Variants in MRPS27 observed in about 807,000 individuals in gnomAD.
The protein encoded by MRPS27 is mitochondrial ribosomal protein S27.
A neutral mutation model predicts 48.9 loss-of-function variants in MRPS27; 43 were observed. The observed-to-expected ratio is 0.88, with a 90% confidence interval of 0.69 to 1.13. MRPS27 has a LOEUF of 1.13. MRPS27 is among the 50% of genes most tolerant of loss of function. The probability of loss-of-function intolerance (pLI) is 0.00; values close to 1 mark genes in which losing one functional copy is unlikely to be tolerated. For missense variants in MRPS27, 467 were observed against 476.3 expected, an observed-to-expected ratio of 0.98 and a Z score of 0.18; for synonymous variants, 188 against 171.9, an observed-to-expected ratio of 1.09 and a Z score of -0.73.
At chr5:72,313,831 A>G (rs927835458) in intron 2 of MRPS27, among the ~76,000 whole-genome samples, 1 of 152,244 alleles carries the variant, frequency 6.6e-6, no homozygotes, top group Non-Finnish European at 1.5e-5. Context: ...ATGGACAAAA[A>G]ACAGAAGAAA....
chr5:72,229,423 C>T (rs1273628571), intron 7 of MRPS27: 1 of 152,102 alleles, frequency 6.6e-6, no homozygotes, highest in South Asian at 2.1e-4. Flanking sequence ...ACAACGCCCC[C>T]CCCCAAGCAC....
intron 4 of MRPS27, among the ~76,000 whole-genome samples, chr5:72,271,138 T>G (rs757546230): frequency 6.6e-6 from 1 of 152,134 alleles, no homozygotes; most frequent in East Asian, 1.9e-4. Flanking sequence ...TCCTAGCTAG[T>G]GCAACAAGGC....
At chr5:72,305,486 T>C (rs1750237066) in intron 2 of MRPS27, among the ~76,000 whole-genome samples, 1 of 152,140 alleles carries the variant, frequency 6.6e-6, no homozygotes, top group Non-Finnish European at 1.5e-5. Flanking sequence ...GTCAAGGAAA[T>C]ACTCTTTGGA....
At chr5:72,228,131 A>C in intron 8 of MRPS27, 135 bp downstream of exon 8, 1 of 768,260 alleles carries the variant, frequency 1.3e-6, no homozygotes, top group Non-Finnish European at 2.1e-6. Flanking sequence ...ATCAAGGTCT[A>C]TTTTTATGTC....
intron 4 of MRPS27, among the ~76,000 whole-genome samples, chr5:72,274,674 A>G (rs1561349267): frequency 6.6e-6 from 1 of 152,238 alleles, no homozygotes; most frequent in Non-Finnish European, 1.5e-5. Context: ...ATTATTATGT[A>G]CTGTACGTAA....
At chr5:72,226,330 T>TTGGTACAGATTTA in intron 8 of MRPS27, 131 bp from the exon 9 acceptor site, 1 of 1,069,158 alleles carries the variant, frequency 9.4e-7, no homozygotes, top group Non-Finnish European at 1.4e-6. Context: ...TTTAAATCTG[T>TTGGTACAGATTTA]ACCAACAGAC....
chr5:72,223,554 G>A (rs1191971874), intron 10 of MRPS27, 129 bp downstream of exon 10: 2 of 1,150,148 alleles, frequency 1.7e-6, no homozygotes, highest in African/African-American at 1.5e-5. Context: ...CAATAAAAAT[G>A]TAATTTTTGA....
chr5:72,242,071 G>A (rs1026139607), intron 4 of MRPS27, among the ~76,000 whole-genome samples: 1 of 152,208 alleles, frequency 6.6e-6, no homozygotes. Context: ...ATAAGAAAGA[G>A]TGACAAAGTG....
At chr5:72,255,661 G>A (rs932847345) in intron 4 of MRPS27, among the ~76,000 whole-genome samples, 2 of 152,000 alleles carry the variant, frequency 1.3e-5, no homozygotes, top group African/African-American at 4.8e-5. Context: ...TTTACTTATC[G>A]AAACAACCCT....
At chr5:72,235,605 G>A (rs949545488) in intron 5 of MRPS27, among the ~76,000 whole-genome samples, 1 of 152,144 alleles carries the variant, frequency 6.6e-6, no homozygotes, top group African/African-American at 2.4e-5. Flanking sequence ...TGTTGGGGCA[G>A]GGAGTACATA....
intron 4 of MRPS27, among the ~76,000 whole-genome samples, chr5:72,285,507 C>CT (rs773201239): frequency 6.6e-6 from 1 of 152,028 alleles, no homozygotes; most frequent in Admixed American, 6.6e-5. Flanking sequence ...ATCTAATAAT[C>CT]TTTTTTTGGG....
In MRPS27 at chr5:72,234,101, C is replaced by T. The variant is rs367666588; in HGVS notation, c.475+18G>A. ...GCTGGAAGCCCTATAAACACTGAAT[C>T]TGGGGTTAGTTTCTTACCTTTGTAA... On this transcript the variant is annotated intron_variant, in intron 6 of 10. Transcript: ENST00000261413. 9 of 1,491,040 alleles carry T rather than the reference C, an allele frequency of 6.0e-6. No individual in the cohort carries two copies. The highest frequency in any genetic ancestry group is 8.0e-6 in the Non-Finnish European group (9 of 1,123,490). 92.4% of individuals were successfully genotyped at this position (1,491,040 alleles called of 1,614,324 possible).
chr5:72,315,486 G>T (rs1419463628), intron 1 of MRPS27, among the ~76,000 whole-genome samples: 1 of 151,528 alleles, frequency 6.6e-6, no homozygotes, highest in African/African-American at 2.4e-5. Context: ...GAGCCCGGGA[G>T]GCAGAGGTTG....
At chr5:72,229,658 G>C (rs1245275154) in intron 7 of MRPS27, 3 of 152,556 alleles carry the variant, frequency 2.0e-5, no homozygotes, top group Admixed American at 2.0e-4. Flanking sequence ...AAATATCTAA[G>C]CACTAGATAC....
intron 7 of MRPS27, among the ~76,000 whole-genome samples, 168 bp downstream of exon 7, chr5:72,232,275 C>A (rs933683317): frequency 6.6e-6 from 1 of 152,124 alleles, no homozygotes; most frequent in Non-Finnish European, 1.5e-5. Flanking sequence ...AGTGGAAGAA[C>A]CTCCAATTCC....
chr5:72,225,975 A>G (rs1747883422), intron 9 of MRPS27, 82 bp downstream of exon 9: 1 of 1,494,144 alleles, frequency 6.7e-7, no homozygotes, highest in African/African-American at 1.4e-5. Context: ...GGGGTAGTGG[A>G]AAGACAATGA....
At chr5:72,223,603 G>T in intron 10 of MRPS27, 80 bp downstream of exon 10, 4 of 1,499,432 alleles carry the variant, frequency 2.7e-6, no homozygotes, top group Non-Finnish European at 3.6e-6. Context: ...CATTGATGCA[G>T]AAAGAATGCT....
intron 7 of MRPS27, chr5:72,228,650 T>C (rs1043362715): frequency 2.9e-5 from 8 of 280,238 alleles, no homozygotes; most frequent in East Asian, 1.8e-4. Flanking sequence ...TTCCAAAAAT[T>C]TGGCAATGAA....
intron 4 of MRPS27, chr5:72,241,787 A>T (rs1748357684): frequency 8.5e-7 from 1 of 1,173,684 alleles, no homozygotes; most frequent in African/African-American, 1.5e-5. Context: ...TGCTCTGACC[A>T]CCAGCCTGGC....
Sources: allele counts gnomAD v4.1 joint callset (sites outside exome capture counted in the v4.1 genomes callset), GRCh38; gene constraint gnomAD v4.1.1; transcripts MANE v1.5; gene names NCBI Gene and HGNC (gene_info 2026-07-23, HGNC 2026-07-21).